The following ARL3 variants were observed in gnomAD, a reference collection of about 807,000 sequenced individuals.
ARL3 encodes ARF like GTPase 3, also known as ADP-ribosylation factor-like protein 3.
Under a neutral mutation model 26.0 loss-of-function variants are expected in ARL3, and 9 were observed. That is an observed-to-expected ratio of 0.35 (90% CI 0.21 to 0.60). ARL3 has a LOEUF of 0.60. Among genes scored for constraint, ARL3 ranks in the 20% least tolerant of loss-of-function variants. The pLI is 0.78. For missense variants in ARL3, 158 were observed against 215.7 expected, an observed-to-expected ratio of 0.73 and a Z score of 1.67; for synonymous variants, 71 against 78.4, an observed-to-expected ratio of 0.91 and a Z score of 0.50.
intron 1 of ARL3, among the ~76,000 whole-genome samples, chr10:102,713,859 G>T (rs1590131614): frequency 6.6e-6 from 1 of 152,234 alleles, no homozygotes; most frequent in African/African-American, 2.4e-5. Context: ...TCCGCTTCTG[G>T]CCGGGCTCCA....
At chr10:102,683,978 G>A (rs2064168975) in intron 5 of ARL3, among the ~76,000 whole-genome samples, 1 of 152,130 alleles carries the variant, frequency 6.6e-6, no homozygotes, top group Admixed American at 6.6e-5. Flanking sequence ...AGATACAAGA[G>A]GCTTACTGTT....
chr10:102,709,500 A>G (rs1162709167), intron 1 of ARL3, among the ~76,000 whole-genome samples: 1 of 146,270 alleles, frequency 6.8e-6, no homozygotes, highest in East Asian at 2.0e-4. Flanking sequence ...AAAAAAAATT[A>G]TCCAGGTGTG....
At chr10:102,681,696 C>T (rs1012231075) in intron 5 of ARL3, among the ~76,000 whole-genome samples, 1 of 152,072 alleles carries the variant, frequency 6.6e-6, no homozygotes, top group Non-Finnish European at 1.5e-5. Flanking sequence ...ACCCAGGGCA[C>T]GATCTGCTGG....
At chr10:102,680,474 A>G (rs1485971701) in intron 5 of ARL3, among the ~76,000 whole-genome samples, 1 of 152,170 alleles carries the variant, frequency 6.6e-6, no homozygotes, top group Non-Finnish European at 1.5e-5. Flanking sequence ...CCTAGAGAGG[A>G]AATAAAGTTT....
At chr10:102,693,671 GTTTTA>G (rs920473034) in intron 3 of ARL3, among the ~76,000 whole-genome samples, 1 of 151,956 alleles carries the variant, frequency 6.6e-6, no homozygotes, top group African/African-American at 2.4e-5. Flanking sequence ...CAGAGCAGAA[GTTTTA>G]TTTTATTTAT....
intron 4 of ARL3, 55 bp from the exon 5 acceptor site, chr10:102,686,056 T>C (rs1302151993): frequency 6.9e-6 from 10 of 1,444,094 alleles, no homozygotes; most frequent in Non-Finnish European, 9.4e-6. Flanking sequence ...ATCTATGATA[T>C]TTAACCATAC....
intron 1 of ARL3, among the ~76,000 whole-genome samples, chr10:102,712,192 C>T (rs2064345821): frequency 6.6e-6 from 1 of 151,964 alleles, no homozygotes; most frequent in South Asian, 2.1e-4. Flanking sequence ...GGGTTTTTGC[C>T]ACAGTTACCC....
chr10:102,689,808 A>AT, intron 4 of ARL3, 85 bp downstream of exon 4: 1 of 828,566 alleles, frequency 1.2e-6, no homozygotes, highest in Non-Finnish European at 1.9e-6. Context: ...AGCCTGGGCA[A>AT]CAAGAGCAAA....
At chr10:102,708,478 A>C (rs1438024429) in intron 1 of ARL3, among the ~76,000 whole-genome samples, 1 of 152,194 alleles carries the variant, frequency 6.6e-6, no homozygotes, top group Admixed American at 6.5e-5. Flanking sequence ...AAATTAGTAC[A>C]TTAAATGACA....
chr10:102,694,956 T>C (rs774530318), intron 3 of ARL3, among the ~76,000 whole-genome samples: 2 of 152,182 alleles, frequency 1.3e-5, no homozygotes, highest in Non-Finnish European at 2.9e-5. Context: ...TGACCTCAGG[T>C]GATCTGCCTG....
intron 2 of ARL3, among the ~76,000 whole-genome samples, chr10:102,703,919 G>A (rs11191373): frequency 0.4 from 60,101 of 151,100 alleles, 12,303 homozygotes; most frequent in South Asian, 0.59. Flanking sequence ...GGAGGCCGAG[G>A]CAGGTGGACT....
In ARL3 at chr10:102,713,571, T is replaced by C. The variant is rs566167398; in HGVS notation, c.3+702A>G. Among the ~76,000 whole-genome samples, 7 of 152,340 alleles carry C rather than the reference T, an allele frequency of 4.6e-5. No individual in the cohort carries two copies. In the East Asian group the frequency reaches 7.7e-4, roughly 17 times the overall value. ...AATATGTCTTCATCAACATGGATTA[T>C]GTATTGAATGAAAAATCGGTCATCA... is the stretch of plus-strand genomic sequence containing the variant. On this transcript the variant is annotated intron_variant, in intron 1 of 5. Transcript: ENST00000260746.
chr10:102,709,157 C>T (rs1319441624), intron 1 of ARL3, among the ~76,000 whole-genome samples: 1 of 151,710 alleles, frequency 6.6e-6, no homozygotes, highest in Non-Finnish European at 1.5e-5. Context: ...CTGCCCGTGA[C>T]GGCCTCCCAA....
intron 5 of ARL3, among the ~76,000 whole-genome samples, chr10:102,685,226 G>C (rs2064176724): frequency 1.7e-5 from 2 of 121,080 alleles, no homozygotes; most frequent in Admixed American, 2.1e-4. Context: ...TCCAGCCTGG[G>C]CAATGAGAAT....
At chr10:102,701,999 G>A (rs1214355932) in intron 2 of ARL3, among the ~76,000 whole-genome samples, 1 of 139,026 alleles carries the variant, frequency 7.2e-6, no homozygotes, top group Non-Finnish European at 1.5e-5. Context: ...CCTGGGCAAT[G>A]TAGTGAGACC....
intron 1 of ARL3, among the ~76,000 whole-genome samples, chr10:102,707,246 T>G (rs2064314871): frequency 6.6e-6 from 1 of 151,764 alleles, no homozygotes; most frequent in South Asian, 2.1e-4. Flanking sequence ...TGCAGTAAGC[T>G]GTATTTGTAC....
intron 2 of ARL3, among the ~76,000 whole-genome samples, chr10:102,700,651 AG>A (rs1275058894): frequency 6.6e-5 from 10 of 151,170 alleles, no homozygotes; most frequent in African/African-American, 2.2e-4. Flanking sequence ...TTTTTAGTAG[AG>A]ACAGGGTTTC....
chr10:102,681,521 G>A (rs1268976532), intron 5 of ARL3, among the ~76,000 whole-genome samples: 2 of 152,112 alleles, frequency 1.3e-5, no homozygotes, highest in Non-Finnish European at 2.9e-5. Flanking sequence ...ACTCAGGCAC[G>A]GATCACAGCT....
At chr10:102,699,160 C>T (rs774623227) in intron 3 of ARL3, among the ~76,000 whole-genome samples, 2 of 152,160 alleles carry the variant, frequency 1.3e-5, no homozygotes, top group African/African-American at 2.4e-5. Context: ...GGTGTGGGTA[C>T]AACATTGTTA....
Sources: allele counts gnomAD v4.1 joint callset (sites outside exome capture counted in the v4.1 genomes callset), GRCh38; gene constraint gnomAD v4.1.1; transcripts MANE v1.5; gene names NCBI Gene and HGNC (gene_info 2026-07-23, HGNC 2026-07-21).